GALNT12: variants seen among roughly 807,000 people sequenced by gnomAD.
GALNT12 encodes the protein polypeptide N-acetylgalactosaminyltransferase 12, also known as UDP-GalNAc:polypeptide N-acetylgalactosaminyltransferase 12.
GALNT12 carries 45 observed loss-of-function variants against 55.5 expected under a neutral mutation model. The observed-to-expected ratio is 0.81, with a 90% CI of 0.64 to 1.04. GALNT12 has a LOEUF of 1.04. GALNT12 is among the 50% of genes least tolerant of loss of function. GALNT12 has a pLI of 0.00. For synonymous variants in GALNT12, 304 were observed against 312.2 expected, an observed-to-expected ratio of 0.97 and a Z score of 0.28; for missense variants, 709 against 754.8, an observed-to-expected ratio of 0.94 and a Z score of 0.71.
At chr9:98,837,224 A>G in intron 6 of GALNT12, 76 bp downstream of exon 6, 1 of 1,383,198 alleles carries the variant, frequency 7.2e-7, no homozygotes, top group Non-Finnish European at 1.0e-6. Flanking sequence ...TCCCCAACAT[A>G]GTCGATCTGG....
chr9:98,847,811 C>CTTTTT (rs754967420), intron 9 of GALNT12, among the ~76,000 whole-genome samples: 4 of 123,060 alleles, frequency 3.3e-5, no homozygotes, highest in Non-Finnish European at 6.8e-5. Context: ...AGGGCTGGAT[C>CTTTTT]TTTTTTTTTT....
intron 8 of GALNT12, among the ~76,000 whole-genome samples, chr9:98,845,547 T>C (rs1424826484): frequency 6.6e-6 from 1 of 152,052 alleles, no homozygotes; most frequent in Non-Finnish European, 1.5e-5. Context: ...ACTTTACATC[T>C]TCTAGGAACT....
chr9:98,813,578 A>G (rs1417681039), intron 1 of GALNT12, among the ~76,000 whole-genome samples: 5 of 150,800 alleles, frequency 3.3e-5, no homozygotes, highest in African/African-American at 4.9e-5. Context: ...GCTCACTGCA[A>G]CCTCCACCTC....
chr9:98,832,255 C>T (rs940154636), intron 4 of GALNT12, among the ~76,000 whole-genome samples: 4 of 152,160 alleles, frequency 2.6e-5, no homozygotes, highest in African/African-American at 4.8e-5. Context: ...CATGGTGGCT[C>T]ATGCCTATAA....
At chr9:98,810,912 A>G (rs1245931991) in intron 1 of GALNT12, among the ~76,000 whole-genome samples, 1 of 152,216 alleles carries the variant, frequency 6.6e-6, no homozygotes, top group East Asian at 1.9e-4. Context: ...AAGTATAGTA[A>G]GTAAGTCAGT....
chr9:98,831,330 A>G (rs926300660), intron 3 of GALNT12, among the ~76,000 whole-genome samples: 4 of 152,216 alleles, frequency 2.6e-5, no homozygotes. Context: ...GACTTGGCTA[A>G]TGTCACACAA....
chr9:98,838,455 G>A (rs1836208843), intron 6 of GALNT12, among the ~76,000 whole-genome samples: 1 of 152,206 alleles, frequency 6.6e-6, no homozygotes, highest in Non-Finnish European at 1.5e-5. Flanking sequence ...AGGGACACTG[G>A]CCCATCCACC....
intron 1 of GALNT12, among the ~76,000 whole-genome samples, chr9:98,820,606 G>A (rs1835714912): frequency 6.6e-6 from 1 of 152,192 alleles, no homozygotes; most frequent in Admixed American, 6.5e-5. Context: ...TCCATTGGGT[G>A]TGTACCCAGT....
intron 1 of GALNT12, 108 bp from the exon 2 acceptor site, chr9:98,823,148 T>C (rs1215306264): frequency 2.0e-6 from 2 of 1,004,978 alleles, no homozygotes; most frequent in African/African-American, 3.2e-5. Context: ...CTTCAGTGGA[T>C]TATGTCCCCT....
chr9:98,808,271 C>T (rs1760519597), intron 1 of GALNT12, among the ~76,000 whole-genome samples: 1 of 152,130 alleles, frequency 6.6e-6, no homozygotes, highest in Non-Finnish European at 1.5e-5. Context: ...AAAAAAATTA[C>T]CAGAAATTGG....
chr9:98,820,995 A>G (rs1390093514), intron 1 of GALNT12, among the ~76,000 whole-genome samples: 1 of 152,196 alleles, frequency 6.6e-6, no homozygotes, highest in Non-Finnish European at 1.5e-5. Context: ...ATGCTACAGT[A>G]TGCTGGATTT....
At chr9:98,837,927 T>C (rs775318784) in intron 6 of GALNT12, among the ~76,000 whole-genome samples, 1 of 152,178 alleles carries the variant, frequency 6.6e-6, no homozygotes, top group Non-Finnish European at 1.5e-5. Context: ...GAAATTCAGA[T>C]ACAGAACCAG....
At chr9:98,819,341 G>A (rs1381999293) in intron 1 of GALNT12, among the ~76,000 whole-genome samples, 2 of 152,256 alleles carry the variant, frequency 1.3e-5, no homozygotes, top group Non-Finnish European at 2.9e-5. Context: ...ACTTGCATGA[G>A]TTGAAAGCCT....
rs1060502970 is a variant in GALNT12, at chr9:98,844,197, G to A, written c.1446G>A (p.Met482Ile). The A allele has an allele frequency of 8.7e-6, 14 of 1,607,496 alleles. No individual in the cohort carries two copies. Among genetic ancestry groups the A allele is most frequent in the South Asian group, 2.2e-5 (2 of 90,944 alleles). The change falls in exon 8 of 10, where the codon ATG becomes ATA. Residue 482 changes from methionine (M) to isoleucine (I), a missense_variant. By Grantham distance (10) the Met-to-Ile change is conservative (BLOSUM62 1). Around this residue, in one of 5 missense-constraint regions of GALNT12, gnomAD observed 262 missense variants for 310.7 expected, o/e 0.84. Coordinates refer to ENST00000375011, the MANE Select transcript of GALNT12 (RefSeq NM_024642.5). ...TCATTCTGTACCTCTGTCATGGGAT[G>A]GGCCAGAATCAGGTAGGTATGAGCC... ...HQVILYLCHG[M>I]GQNQFFEYTS...
At chr9:98,827,917 C>G (rs1002751924) in intron 3 of GALNT12, among the ~76,000 whole-genome samples, 4 of 152,146 alleles carry the variant, frequency 2.6e-5, no homozygotes, top group African/African-American at 4.8e-5. Context: ...TACCTTCCCC[C>G]CTCAAGAAGC....
rs1358562336 is a variant in GALNT12 at position 98,807,692 on chromosome 9, C to A, written c.-7C>A. On this transcript the variant is annotated 5_prime_UTR_variant, in exon 1 of 10. Coordinates refer to ENST00000375011, the MANE Select transcript of GALNT12 (RefSeq NM_024642.5). ...CGCGCAGATCGCTGGCTGCAGTTGGCGGGCGCATGTGGGGGCGCACGGCGC... is the reference window on the plus strand; with the variant it reads ...CGCGCAGATCGCTGGCTGCAGTTGGAGGGCGCATGTGGGGGCGCACGGCGC... 8.8e-7 allele frequency: 1 copy of A among 1,135,082 alleles called. No individual in the cohort carries two copies. Among genetic ancestry groups the A allele is most frequent in the Non-Finnish European group, 1.1e-6 (1 of 928,390 alleles). 70.3% of individuals were successfully genotyped at this position (1,135,082 alleles called of 1,614,324 possible).
chr9:98,846,852 G>A (rs1251310519), intron 9 of GALNT12, among the ~76,000 whole-genome samples: 16 of 81,498 alleles, frequency 2.0e-4, no homozygotes, highest in East Asian at 5.5e-4. Context: ...GCGAGACTCC[G>A]TCTCAAAAAA....
intron 1 of GALNT12, among the ~76,000 whole-genome samples, chr9:98,812,240 C>A (rs1392635792): frequency 6.6e-6 from 1 of 151,966 alleles, no homozygotes; most frequent in Non-Finnish European, 1.5e-5. Flanking sequence ...CATTCTGTGT[C>A]CATATGTTTT....
rs1588461285 is a variant in GALNT12 at position 98,848,954 on chromosome 9, T to C, written c.1608T>C (p.Asp536=). 2.8e-5 allele frequency: 46 copies of C among 1,614,254 alleles called. No individual in the cohort carries two copies. Among genetic ancestry groups the C allele is most frequent in the Non-Finnish European group, 3.8e-5 (45 of 1,180,038 alleles). Residue 536 remains aspartate, a splice_region_variant and synonymous_variant, in exon 10 of 10, where the codon GAT becomes GAC. Coordinates refer to ENST00000375011, the MANE Select transcript of GALNT12 (RefSeq NM_024642.5). ...TGTCATTCTGTTATCTTTTGTAGGA[T>C]GGATCTTTATTTCACGAACAGTCCA... is the stretch of plus-strand genomic sequence containing the variant. ...PENQKFILQE[D]GSLFHEQSKK...
Sources: allele counts gnomAD v4.1 joint callset (sites outside exome capture counted in the v4.1 genomes callset), GRCh38; gene constraint gnomAD v4.1.1; regional missense constraint gnomAD v4.1.1; transcripts MANE v1.5; gene names NCBI Gene and HGNC (gene_info 2026-07-23, HGNC 2026-07-21).